Variants in EPHA6 observed in about 807,000 individuals in gnomAD.
The protein encoded by EPHA6 is EPH receptor A6, also known as ephrin type-A receptor 6.
Under a neutral mutation model 112.0 loss-of-function variants are expected in EPHA6, and 50 were observed. The observed-to-expected ratio is 0.45, with a 90% CI of 0.36 to 0.56. The LOEUF is 0.56. EPHA6 is among the 20% of genes least tolerant of loss of function. EPHA6 has a pLI of 0.00. For synonymous variants in EPHA6, 529 were observed against 490.7 expected (o/e 1.08, Z -1.03); for missense variants, 1,280 against 1,417.4 (o/e 0.90, Z 1.56).
chr3:97,126,149 C>T (rs1576533351), intron 3 of EPHA6, among the ~76,000 whole-genome samples: 2 of 152,152 alleles, frequency 1.3e-5, no homozygotes, highest in African/African-American at 4.8e-5. Context: ...GGCTCTTAAA[C>T]ATTTGGAAAG....
intron 3 of EPHA6, among the ~76,000 whole-genome samples, chr3:96,988,491 G>A (rs575506177): frequency 6.6e-6 from 1 of 152,140 alleles, no homozygotes; most frequent in South Asian, 2.1e-4. Flanking sequence ...ATAGAAATAT[G>A]ACATTTAAAG....
chr3:97,023,540 T>G (rs1038278443), intron 3 of EPHA6, among the ~76,000 whole-genome samples: 1 of 152,086 alleles, frequency 6.6e-6, no homozygotes, highest in Non-Finnish European at 1.5e-5. Flanking sequence ...ATTTTGCTAC[T>G]ATATATATTT....
intron 9 of EPHA6, among the ~76,000 whole-genome samples, chr3:97,480,373 C>G (rs1014195242): frequency 6.6e-6 from 1 of 151,818 alleles, no homozygotes; most frequent in Admixed American, 6.6e-5. Flanking sequence ...GGCAGAGGAC[C>G]CTGCGGCCTT....
At chr3:96,884,076 A>G (rs773184401) in intron 2 of EPHA6, among the ~76,000 whole-genome samples, 1 of 152,202 alleles carries the variant, frequency 6.6e-6, no homozygotes, top group Non-Finnish European at 1.5e-5. Context: ...CCATTGGTCT[A>G]TGTGCCTGTT....
At chr3:97,248,907 G>A (rs1455588197) in intron 5 of EPHA6, among the ~76,000 whole-genome samples, 1 of 152,038 alleles carries the variant, frequency 6.6e-6, no homozygotes, top group East Asian at 1.9e-4. Context: ...AGTAATTAGG[G>A]ATAGTGTAAA....
intron 13 of EPHA6, among the ~76,000 whole-genome samples, chr3:97,628,841 G>C (rs1180655458): frequency 6.6e-6 from 1 of 151,974 alleles, no homozygotes; most frequent in Non-Finnish European, 1.5e-5. Context: ...TTATATTTGT[G>C]CTGAGGTAGA....
rs16838931 is a variant in EPHA6, at chr3:97,741,699, G to C, written c.3128+5581G>C. ...CTTGCTCTTTCCAGTATACAACATAGAATCACACAGAAAGGCAAGATGTTT... is the reference window on the plus strand; with the variant it reads ...CTTGCTCTTTCCAGTATACAACATACAATCACACAGAAAGGCAAGATGTTT... On this transcript the variant is annotated intron_variant, in intron 16 of 17. Transcript: ENST00000389672. Among the ~76,000 whole-genome samples the C allele has an allele frequency of 8.0e-4, 122 of 152,160 alleles. 1 individual carries two copies. In the East Asian group the frequency reaches 0.021, roughly 27 times the overall value.
chr3:97,406,089 G>T (rs777258813), intron 6 of EPHA6, among the ~76,000 whole-genome samples: 1 of 151,906 alleles, frequency 6.6e-6, no homozygotes, highest in African/African-American at 2.4e-5. Context: ...AATATCCAGT[G>T]GTATATTACA....
chr3:97,262,897 G>A (rs2108622794), intron 5 of EPHA6, among the ~76,000 whole-genome samples: 1 of 152,252 alleles, frequency 6.6e-6, no homozygotes, highest in East Asian at 1.9e-4. Flanking sequence ...TTTGTTGAAT[G>A]TATGAATGCA....
chr3:96,914,024 C>T (rs1291956299), intron 2 of EPHA6, among the ~76,000 whole-genome samples: 1 of 152,166 alleles, frequency 6.6e-6, no homozygotes, highest in Non-Finnish European at 1.5e-5. Context: ...TAAATATGCG[C>T]CTAACGATAT....
chr3:97,436,614 A>G (rs909068695), intron 6 of EPHA6, among the ~76,000 whole-genome samples: 5 of 152,188 alleles, frequency 3.3e-5, no homozygotes, highest in African/African-American at 1.2e-4. Context: ...GTGACTTTAC[A>G]TATATTCACA....
At chr3:97,138,876 G>A (rs1486041963) in intron 3 of EPHA6, among the ~76,000 whole-genome samples, 1 of 152,188 alleles carries the variant, frequency 6.6e-6, no homozygotes, top group Non-Finnish European at 1.5e-5. Flanking sequence ...TTGGGAACTA[G>A]CCTAATTATT....
intron 3 of EPHA6, among the ~76,000 whole-genome samples, chr3:97,148,530 C>A (rs1221581933): frequency 6.6e-6 from 1 of 151,982 alleles, no homozygotes. Flanking sequence ...TTTAAAAATG[C>A]ACATTTCCTT....
intron 1 of EPHA6, among the ~76,000 whole-genome samples, chr3:96,826,692 A>G (rs369408853): frequency 6.6e-6 from 1 of 152,084 alleles, no homozygotes; most frequent in African/African-American, 2.4e-5. Context: ...TATAGTCCTT[A>G]TATATCTCAC....
intron 2 of EPHA6, among the ~76,000 whole-genome samples, chr3:96,943,440 G>T (rs1576122067): frequency 6.6e-6 from 1 of 151,978 alleles, no homozygotes; most frequent in Non-Finnish European, 1.5e-5. Flanking sequence ...AAAACACAAA[G>T]ATTTTTAATA....
At chr3:96,958,438 T>C (rs1408905571) in intron 2 of EPHA6, among the ~76,000 whole-genome samples, 1 of 152,212 alleles carries the variant, frequency 6.6e-6, no homozygotes, top group African/African-American at 2.4e-5. Flanking sequence ...AGGATTTTTG[T>C]GAGAGCTAAA....
At chr3:97,607,147 T>TCTGTTA (rs1368932515) in intron 12 of EPHA6, among the ~76,000 whole-genome samples, 1 of 149,032 alleles carries the variant, frequency 6.7e-6, no homozygotes, top group Non-Finnish European at 1.5e-5. Flanking sequence ...ATGTTAAGTC[T>TCTGTTA]CTGTTATCCT....
intron 3 of EPHA6, among the ~76,000 whole-genome samples, chr3:97,066,644 A>G (rs2046187647): frequency 6.6e-6 from 1 of 152,180 alleles, no homozygotes. Context: ...TACCTTTTCC[A>G]GTATTTTGCA....
At chr3:97,608,004 T>A (rs2107446436) in intron 12 of EPHA6, among the ~76,000 whole-genome samples, 1 of 151,190 alleles carries the variant, frequency 6.6e-6, no homozygotes, top group African/African-American at 2.4e-5. Flanking sequence ...TCATGGATTG[T>A]AAAGTTGCTT....
Sources: gnomAD v4.1 joint callset for allele counts (sites outside exome capture counted in the v4.1 genomes callset) on GRCh38, gnomAD v4.1.1 for gene constraint, MANE v1.5 for transcripts, NCBI Gene and HGNC (gene_info 2026-07-23, HGNC 2026-07-21) for gene names.